The following ZC3H12B variants were observed in gnomAD, a reference collection of about 807,000 sequenced individuals.
ZC3H12B encodes zinc finger CCCH-type containing 12B, also known as probable ribonuclease ZC3H12B.
ZC3H12B carries 7 observed loss-of-function variants against 43.9 expected under a neutral mutation model. The ratio of observed to expected loss-of-function variants is 0.16; its 90% confidence interval spans 0.09 to 0.30. The LOEUF (loss-of-function observed/expected upper bound fraction) is 0.30, where lower values mean the gene tolerates loss of function less well. ZC3H12B is among the 10% of genes least tolerant of loss of function. The pLI is 1.00. For missense variants in ZC3H12B, 475 were observed against 670.2 expected, an observed-to-expected ratio of 0.71 and a Z score of 3.22; for synonymous variants, 222 against 241.7, an observed-to-expected ratio of 0.92 and a Z score of 0.76.
At chrX:65,045,440 C>T in the ZC3H12B span, among the ~76,000 whole-genome samples, 1 of 112,050 alleles carries the variant, frequency 8.9e-6, no homozygotes, top group Non-Finnish European at 1.9e-5. Flanking sequence ...TTTTCTCCAG[C>T]AGTAGATTCC....
intron 2 of ZC3H12B, among the ~76,000 whole-genome samples, chrX:65,392,632 G>A (rs924098246): frequency 9.0e-6 from 1 of 110,646 alleles, no homozygotes; most frequent in African/African-American, 3.3e-5. Flanking sequence ...CTGGGAGGTG[G>A]GGGGCGCCTC....
chrX:65,369,510 A>ATT (rs2066217180), intron 2 of ZC3H12B, among the ~76,000 whole-genome samples: 1 of 89,508 alleles, frequency 1.1e-5, no homozygotes, highest in African/African-American at 1.1e-4. Flanking sequence ...GAAAACTGTG[A>ATT]CTATCATTTC....
At chrX:65,413,670 T>G (rs1276391486) in intron 3 of ZC3H12B, among the ~76,000 whole-genome samples, 1 of 112,564 alleles carries the variant, frequency 8.9e-6, no homozygotes, top group African/African-American at 3.2e-5. Context: ...CACGCTGTTA[T>G]GATTATTGTA....
At chrX:65,140,629 G>A in the ZC3H12B span, among the ~76,000 whole-genome samples, 1 of 111,864 alleles carries the variant, frequency 8.9e-6, no homozygotes, top group South Asian at 3.7e-4. Flanking sequence ...TTTTGGAAAA[G>A]TTTGAGAAGG....
At chrX:65,463,657 T>C (rs2067781151) in intron 3 of ZC3H12B, among the ~76,000 whole-genome samples, 1 of 111,130 alleles carries the variant, frequency 9.0e-6, no homozygotes, top group Non-Finnish European at 1.9e-5. Context: ...TAACTGCATC[T>C]TTCCCTGTTC....
the ZC3H12B span, among the ~76,000 whole-genome samples, chrX:65,148,852 G>C: frequency 8.9e-6 from 1 of 111,817 alleles, no homozygotes; most frequent in Non-Finnish European, 1.9e-5. Context: ...ATGTTACTCT[G>C]TGGGGATAAG....
the ZC3H12B span, among the ~76,000 whole-genome samples, chrX:65,078,076 G>T: frequency 2.7e-5 from 3 of 111,721 alleles, no homozygotes; most frequent in Non-Finnish European, 5.6e-5. Context: ...GAGATTCAAG[G>T]GTTGTTCCAA....
the ZC3H12B span, among the ~76,000 whole-genome samples, chrX:65,269,933 G>A: frequency 9.0e-6 from 1 of 111,720 alleles, no homozygotes; most frequent in Non-Finnish European, 1.9e-5. Context: ...TAGTAAGAAT[G>A]AATATTATTA....
chrX:65,151,918 T>A, the ZC3H12B span, among the ~76,000 whole-genome samples: 2 of 112,013 alleles, frequency 1.8e-5, no homozygotes, highest in African/African-American at 6.5e-5. Flanking sequence ...GAGGCAAGGC[T>A]GGTTCAATAT....
chrX:65,204,697 G>A, the ZC3H12B span, among the ~76,000 whole-genome samples: 3 of 111,780 alleles, frequency 2.7e-5, no homozygotes, highest in East Asian at 2.8e-4. Flanking sequence ...TATTTTCCTG[G>A]TTATAAAGGT....
At chrX:65,408,642 A>T (rs1043172740) in intron 3 of ZC3H12B, 3 of 1,065,238 alleles carry the variant, frequency 2.8e-6, no homozygotes, top group Non-Finnish European at 3.9e-6. Context: ...AAGCATCAAG[A>T]TGCAGAGCAC....
At chrX:65,035,717 A>G in the ZC3H12B span, among the ~76,000 whole-genome samples, 1 of 111,156 alleles carries the variant, frequency 9.0e-6, no homozygotes, top group Non-Finnish European at 1.9e-5. Context: ...ACATAGCTGG[A>G]GTGGCCCCTT....
At chrX:65,186,057 G>A in the ZC3H12B span, 2 of 111,895 alleles carry the variant, frequency 1.8e-5, no homozygotes, top group East Asian at 5.6e-4. Context: ...ATTGTTTATG[G>A]AGAGTTTTCC....
chrX:65,040,894 C>T, the ZC3H12B span, among the ~76,000 whole-genome samples: 1 of 110,967 alleles, frequency 9.0e-6, no homozygotes, highest in Non-Finnish European at 1.9e-5. Context: ...AAGCGATCCT[C>T]CCACCTCAGC....
the ZC3H12B span, among the ~76,000 whole-genome samples, chrX:65,096,588 G>A: frequency 9.0e-6 from 1 of 111,220 alleles, no homozygotes; most frequent in Admixed American, 9.6e-5. Context: ...TATATCAGTA[G>A]AAAACTGCAA....
intron 3 of ZC3H12B, among the ~76,000 whole-genome samples, chrX:65,452,533 G>T (rs989702393): frequency 3.6e-5 from 4 of 111,200 alleles, no homozygotes; most frequent in Non-Finnish European, 5.7e-5. Flanking sequence ...AATCATAGAT[G>T]ACACAAACAA....
At chrX:65,118,692 G>A in the ZC3H12B span, among the ~76,000 whole-genome samples, 1 of 109,229 alleles carries the variant, frequency 9.2e-6, no homozygotes, top group Non-Finnish European at 1.9e-5. Context: ...TGGTACATGT[G>A]CACAACCTGC....
At chrX:65,503,314 T>C in exon 5 of ZC3H12B, 1 of 737,248 alleles carries the variant, frequency 1.4e-6, no homozygotes, top group Non-Finnish European at 1.9e-6. Flanking sequence ...CTTTACAAGT[T>C]AGAGTGTTTA....
At chrX:65,258,934 A>G in the ZC3H12B span, among the ~76,000 whole-genome samples, 1 of 112,143 alleles carries the variant, frequency 8.9e-6, no homozygotes, top group East Asian at 2.8e-4. Flanking sequence ...AAATCAATGG[A>G]GAAGCATTCC....
Sources: allele counts gnomAD v4.1 joint callset (sites outside exome capture counted in the v4.1 genomes callset), GRCh38; gene constraint gnomAD v4.1.1; transcripts MANE v1.5; gene names NCBI Gene and HGNC (gene_info 2026-07-23, HGNC 2026-07-21).